The following LARGE1 variants were observed in gnomAD, a reference collection of about 807,000 sequenced individuals.
The protein encoded by LARGE1 is LARGE xylosyl- and glucuronyltransferase 1, also known as xylosyl- and glucuronyltransferase LARGE1.
In LARGE1, 43 loss-of-function variants were observed where a neutral mutation model predicts 87.6. That is an observed-to-expected ratio of 0.49 (90% CI 0.38 to 0.63). The LOEUF is 0.63. LARGE1 is among the 30% of genes least tolerant of loss of function. The pLI is 0.00. For missense variants in LARGE1, 802 were observed against 1,000.2 expected, an observed-to-expected ratio of 0.80 and a Z score of 2.67; for synonymous variants, 434 against 394.6, an observed-to-expected ratio of 1.10 and a Z score of -1.18.
intron 11 of LARGE1, among the ~76,000 whole-genome samples, chr22:33,234,456 C>T (rs1926153845): frequency 6.6e-6 from 1 of 152,194 alleles, no homozygotes; most frequent in Non-Finnish European, 1.5e-5. Flanking sequence ...AAAAAAGAAC[C>T]TGAGAATCCT....
chr22:33,670,858 A>AT (rs770641734), intron 2 of LARGE1, among the ~76,000 whole-genome samples: 5 of 152,312 alleles, frequency 3.3e-5, no homozygotes, highest in Middle Eastern at 3.4e-3. Flanking sequence ...ATTTATATGT[A>AT]TCCTTTTTTT....
intron 1 of LARGE1, among the ~76,000 whole-genome samples, chr22:33,850,489 TA>T (rs1384806603): frequency 1.3e-5 from 2 of 152,142 alleles, no homozygotes; most frequent in African/African-American, 4.8e-5. Flanking sequence ...ACAATGAATT[TA>T]TTGCAAGTAC....
rs578136201 is a variant in LARGE1, at chr22:33,485,360, C to T, written c.788-53095G>A. Among the ~76,000 whole-genome samples the T allele has an allele frequency of 8.0e-4, 122 of 152,030 alleles. 3 individuals carry two copies. In the South Asian group the frequency reaches 0.013, roughly 17 times the overall value. On this transcript the variant is annotated intron_variant, in intron 6 of 14. Transcript: ENST00000397394. ...TCCCGAGTAGCTGGGATTACAGGCA[C>T]GGGCCACCACACCCAGCTAATTTTT... is the stretch of plus-strand genomic sequence containing the variant.
At chr22:33,744,696 A>T (rs533569767) in intron 2 of LARGE1, among the ~76,000 whole-genome samples, 1 of 152,302 alleles carries the variant, frequency 6.6e-6, no homozygotes, top group African/African-American at 2.4e-5. Flanking sequence ...AAAACACCTC[A>T]TTGTCCCTGT....
intron 9 of LARGE1, among the ~76,000 whole-genome samples, chr22:33,381,015 A>G (rs1601642141): frequency 6.6e-6 from 1 of 152,210 alleles, no homozygotes; most frequent in Admixed American, 6.5e-5. Flanking sequence ...ACTTTGGCCA[A>G]TGAGGGATAT....
chr22:33,178,985 G>T (rs541230086), intron 11 of LARGE1, among the ~76,000 whole-genome samples: 10 of 152,280 alleles, frequency 6.6e-5, no homozygotes, highest in African/African-American at 2.4e-4. Flanking sequence ...GGACCTTCTT[G>T]CTGCATCATA....
intron 6 of LARGE1, among the ~76,000 whole-genome samples, chr22:33,486,124 C>T (rs1450556010): frequency 1.3e-5 from 2 of 152,218 alleles, no homozygotes; most frequent in Non-Finnish European, 2.9e-5. Context: ...AGACTTGGCT[C>T]TCGTGTCAGC....
intron 9 of LARGE1, among the ~76,000 whole-genome samples, chr22:33,350,354 C>T (rs1280660357): frequency 6.6e-6 from 1 of 152,178 alleles, no homozygotes; most frequent in African/African-American, 2.4e-5. Flanking sequence ...TCCCTGCAGA[C>T]AACCCACACA....
At chr22:33,712,996 T>C (rs1045300517) in intron 2 of LARGE1, among the ~76,000 whole-genome samples, 12 of 152,170 alleles carry the variant, frequency 7.9e-5, no homozygotes, top group Non-Finnish European at 4.4e-5. Flanking sequence ...GTGTGTTTGT[T>C]CTGAAAAATT....
At chr22:33,158,374 C>G (rs899045691), downstream of LARGE1, among the ~76,000 whole-genome samples, 1 of 152,130 alleles carries the variant, frequency 6.6e-6, no homozygotes, top group Non-Finnish European at 1.5e-5. Context: ...GAACGACTAA[C>G]AAATAGAGCC....
intron 1 of LARGE1, among the ~76,000 whole-genome samples, chr22:33,880,571 C>T (rs1188147572): frequency 1.3e-5 from 2 of 152,172 alleles, no homozygotes; most frequent in African/African-American, 4.8e-5. Context: ...TGGCCTGACC[C>T]ATCCTCCCAG....
chr22:33,379,891 A>G (rs1208597021), intron 9 of LARGE1, among the ~76,000 whole-genome samples: 1 of 152,134 alleles, frequency 6.6e-6, no homozygotes, highest in Non-Finnish European at 1.5e-5. Context: ...TGTTCTTATC[A>G]CTCAGGAAAT....
At chr22:33,826,566 C>T (rs981845408) in intron 1 of LARGE1, among the ~76,000 whole-genome samples, 11 of 152,056 alleles carry the variant, frequency 7.2e-5, no homozygotes, top group African/African-American at 1.2e-4. Flanking sequence ...TGGTCTCAAA[C>T]TCCTGACGTT....
intron 2 of LARGE1, among the ~76,000 whole-genome samples, chr22:33,723,429 T>C (rs1321557882): frequency 2.6e-5 from 4 of 152,192 alleles, no homozygotes; most frequent in Non-Finnish European, 5.9e-5. Context: ...AGCTCATGTC[T>C]ACAGATGCTT....
At chr22:33,706,954 C>T (rs1352235781) in intron 2 of LARGE1, among the ~76,000 whole-genome samples, 7 of 152,122 alleles carry the variant, frequency 4.6e-5, no homozygotes, top group Non-Finnish European at 8.8e-5. Context: ...TATTTTAAGC[C>T]ACTAAGTGTA....
At chr22:33,712,519 G>A (rs551501521) in intron 2 of LARGE1, among the ~76,000 whole-genome samples, 3 of 152,266 alleles carry the variant, frequency 2.0e-5, no homozygotes, top group Admixed American at 2.0e-4. Flanking sequence ...ATCATCAATG[G>A]AAATTCATCA....
In LARGE1 at chr22:33,650,599, T is replaced by C; in HGVS notation, c.176A>G (p.Gln59Arg). The part of the protein sequence containing the change: ...AHSPRYTASS[Q>R]RERESLEVRM... ...CACCTCCAGGCTCTCGCGCTCCCGCTGGCTGGAGGCCGTGTACCTGGGGCT... is the reference window on the plus strand; with the variant it reads ...CACCTCCAGGCTCTCGCGCTCCCGCCGGCTGGAGGCCGTGTACCTGGGGCT... The change falls in exon 3 of 15, where the codon CAG becomes CGG. Residue 59 changes from glutamine to arginine, a missense_variant. Around this residue, in one of 2 missense-constraint regions of LARGE1, gnomAD observed 177 missense variants for 158.3 expected, o/e 1.12. Coordinates refer to ENST00000397394, the MANE Select transcript of LARGE1 (RefSeq NM_133642.5). 2 of 1,605,218 alleles carry C rather than the reference T, an allele frequency of 1.2e-6. No individual in the cohort carries two copies. The highest frequency in any genetic ancestry group is 1.7e-6 in the Non-Finnish European group (2 of 1,179,926).
chr22:33,353,928 G>C (rs1569086639), intron 9 of LARGE1, among the ~76,000 whole-genome samples: 2 of 152,334 alleles, frequency 1.3e-5, no homozygotes, highest in South Asian at 4.1e-4. Context: ...CATTGATTTA[G>C]ATAATTTTAT....
the LARGE1 span, among the ~76,000 whole-genome samples, chr22:33,101,194 G>A: frequency 6.6e-6 from 1 of 152,082 alleles, no homozygotes; most frequent in Admixed American, 6.5e-5. Flanking sequence ...GCCATTGGAG[G>A]TAGAATGCCT....
Sources: gnomAD v4.1 joint callset for allele counts (sites outside exome capture counted in the v4.1 genomes callset) on GRCh38, gnomAD v4.1.1 for gene constraint, gnomAD v4.1.1 regional missense constraint, MANE v1.5 for transcripts, NCBI Gene and HGNC (gene_info 2026-07-23, HGNC 2026-07-21) for gene names.